PLCB4: variants seen among roughly 807,000 people sequenced by gnomAD.
PLCB4 encodes phospholipase C beta 4, also known as 1-phosphatidylinositol 4,5-bisphosphate phosphodiesterase beta-4.
A neutral mutation model predicts 178.8 loss-of-function variants in PLCB4; 77 were observed. The observed-to-expected ratio is 0.43, with a 90% CI of 0.36 to 0.52. The LOEUF is 0.52. Ranked by LOEUF, PLCB4 falls within the 20% of genes least tolerant of loss-of-function variation. The pLI is 0.00. For missense variants in PLCB4, 1,024 were observed against 1,453.4 expected, an observed-to-expected ratio of 0.70 and a Z score of 4.80; for synonymous variants, 496 against 490.8, an observed-to-expected ratio of 1.01 and a Z score of -0.14.
At chr20:9,285,048 T>C (rs1389487144) in intron 3 of PLCB4, among the ~76,000 whole-genome samples, 1 of 151,832 alleles carries the variant, frequency 6.6e-6, no homozygotes, top group Non-Finnish European at 1.5e-5. Context: ...CATGAAGATA[T>C]GTTATTTTTA....
intron 3 of PLCB4, among the ~76,000 whole-genome samples, chr20:9,290,132 A>G (rs1018353691): frequency 6.6e-6 from 1 of 151,428 alleles, no homozygotes; most frequent in Non-Finnish European, 1.5e-5. Flanking sequence ...GTCTTGTAGC[A>G]TTTTAGAATA....
chr20:9,345,722 A>G (rs1340846570), intron 7 of PLCB4, among the ~76,000 whole-genome samples: 1 of 152,232 alleles, frequency 6.6e-6, no homozygotes, highest in Non-Finnish European at 1.5e-5. Flanking sequence ...TTCATAAATT[A>G]TGCCTTGTAA....
chr20:9,312,353 TAC>T (rs34443371), intron 4 of PLCB4, among the ~76,000 whole-genome samples: 13,615 of 127,506 alleles, frequency 0.11, 673 homozygotes, highest in Middle Eastern at 0.15. Context: ...CCTTCCACCC[TAC>T]ACACACACAC....
chr20:9,308,662 G>T (rs993543120), intron 4 of PLCB4, among the ~76,000 whole-genome samples: 2 of 152,108 alleles, frequency 1.3e-5, no homozygotes, highest in African/African-American at 2.4e-5. Context: ...TGGCTAATTC[G>T]CTGATCTTCC....
intron 7 of PLCB4, among the ~76,000 whole-genome samples, chr20:9,343,788 A>G (rs747619971): frequency 6.6e-6 from 1 of 152,204 alleles, no homozygotes; most frequent in Admixed American, 6.5e-5. Context: ...ATGTGCTCTC[A>G]GTTGCAGAGA....
chr20:9,185,013 C>T (rs1238319895), intron 2 of PLCB4, among the ~76,000 whole-genome samples: 3 of 152,238 alleles, frequency 2.0e-5, no homozygotes, highest in Non-Finnish European at 4.4e-5. Context: ...GCCTTGACCA[C>T]CTGGGCTCAA....
rs548327860 is a variant in PLCB4 at position 9,361,491 on chromosome 20, G to A, written c.370-1405G>A. On this transcript the variant is annotated intron_variant, in intron 7 of 39. Transcript: ENST00000378473. ...TTATCAATGGCTGGGAGGAGGGGGA[G>A]ATGGGGAGTTATTTAATGGATATGG... Among the ~76,000 whole-genome samples the A allele has an allele frequency of 9.8e-5, 15 of 152,306 alleles. No individual in the cohort carries two copies. In the East Asian group the frequency reaches 2.1e-3, roughly 22 times the overall value.
intron 5 of PLCB4, 113 bp downstream of exon 5, chr20:9,337,319 A>T (rs1321026817): frequency 1.3e-6 from 1 of 746,058 alleles, no homozygotes; most frequent in Non-Finnish European, 2.4e-6. Flanking sequence ...CATTCATTCA[A>T]GATTTTTAAA....
intron 4 of PLCB4, among the ~76,000 whole-genome samples, chr20:9,316,366 G>A (rs73609453): frequency 0.021 from 3,221 of 152,036 alleles, 136 homozygotes; most frequent in African/African-American, 0.073. Context: ...TTTGGATTTC[G>A]TTCTGATTGC....
intron 32 of PLCB4, among the ~76,000 whole-genome samples, chr20:9,451,486 G>A (rs1401812169): frequency 2.0e-5 from 3 of 152,028 alleles, no homozygotes; most frequent in Non-Finnish European, 4.4e-5. Context: ...TTAACACATG[G>A]GTTAGCCAAC....
At chr20:9,446,564 A>C (rs988226998) in intron 32 of PLCB4, among the ~76,000 whole-genome samples, 1 of 152,166 alleles carries the variant, frequency 6.6e-6, no homozygotes, top group Non-Finnish European at 1.5e-5. Flanking sequence ...CCTAATATAC[A>C]CCGATGCCAG....
At chr20:9,219,756 T>C (rs1601243700) in intron 3 of PLCB4, among the ~76,000 whole-genome samples, 1 of 152,320 alleles carries the variant, frequency 6.6e-6, no homozygotes, top group Middle Eastern at 3.4e-3. Flanking sequence ...TAAAATCTGA[T>C]TCTTCTATAA....
chr20:9,308,092 A>G (rs1305176589), intron 4 of PLCB4, among the ~76,000 whole-genome samples, 194 bp downstream of exon 4: 2 of 152,140 alleles, frequency 1.3e-5, no homozygotes, highest in Admixed American at 6.6e-5. Flanking sequence ...AGCGCTCACT[A>G]TGTGCCAGAT....
intron 1 of PLCB4, among the ~76,000 whole-genome samples, chr20:9,087,926 T>C (rs1426860668): frequency 6.6e-6 from 1 of 152,184 alleles, no homozygotes; most frequent in Non-Finnish European, 1.5e-5. Flanking sequence ...TTCAGGATCA[T>C]TCAAACATGA....
intron 2 of PLCB4, among the ~76,000 whole-genome samples, chr20:9,134,114 A>G (rs543760358): frequency 7.2e-5 from 11 of 152,332 alleles, no homozygotes; most frequent in South Asian, 4.1e-4. Context: ...GCACATCAGT[A>G]TCATCTGGGT....
chr20:9,371,699 A>T (rs769114716), intron 10 of PLCB4, among the ~76,000 whole-genome samples: 2 of 152,216 alleles, frequency 1.3e-5, no homozygotes, highest in African/African-American at 4.8e-5. Context: ...AATAAATTCA[A>T]TTCTACAAGA....
chr20:9,478,635 T>C (rs1057324587), intron 39 of PLCB4, among the ~76,000 whole-genome samples: 1 of 152,186 alleles, frequency 6.6e-6, no homozygotes, highest in Admixed American at 6.5e-5. Context: ...GTGGTTCTCC[T>C]GGCACTGTGT....
chr20:9,439,177 G>A (rs963995880), intron 30 of PLCB4, among the ~76,000 whole-genome samples: 1 of 152,212 alleles, frequency 6.6e-6, no homozygotes. Context: ...TGGGTTGGTT[G>A]GTCTAAGCTG....
chr20:9,094,091 T>TC (rs1476845946), intron 1 of PLCB4, among the ~76,000 whole-genome samples: 1 of 152,142 alleles, frequency 6.6e-6, no homozygotes, highest in African/African-American at 2.4e-5. Flanking sequence ...AAGAATTTGT[T>TC]CATGAAACAT....
Sources: gnomAD v4.1 joint callset for allele counts (sites outside exome capture counted in the v4.1 genomes callset) on GRCh38, gnomAD v4.1.1 for gene constraint, MANE v1.5 for transcripts, NCBI Gene and HGNC (gene_info 2026-07-23, HGNC 2026-07-21) for gene names.